Variants in ATG7 observed in about 807,000 individuals in gnomAD.
ATG7 encodes the protein autophagy related 7, also known as ubiquitin-like modifier-activating enzyme ATG7.
A neutral mutation model predicts 82.4 loss-of-function variants in ATG7; 70 were observed. The ratio of observed to expected loss-of-function variants is 0.85; its 90% confidence interval spans 0.70 to 1.04. The LOEUF (loss-of-function observed/expected upper bound fraction) is 1.04, where lower values mean the gene tolerates loss of function less well. Among genes scored for constraint, ATG7 ranks in the 50% least tolerant of loss-of-function variants. ATG7 has a pLI of 0.00. For missense variants in ATG7, 792 were observed against 864.3 expected, an observed-to-expected ratio of 0.92 and a Z score of 1.05; for synonymous variants, 287 against 313.0, an observed-to-expected ratio of 0.92 and a Z score of 0.88.
At chr3:11,573,312 GAAGGAAGA>G in the ATG7 span, among the ~76,000 whole-genome samples, 2 of 9,832 alleles carry the variant, frequency 2.0e-4, no homozygotes, top group Admixed American at 1.0e-3. Flanking sequence ...AGAAAGGAAG[GAAGGAAGA>G]AAGAAAGAAA....
chr3:11,523,259 C>T (rs959609746), intron 20 of ATG7, among the ~76,000 whole-genome samples: 7 of 152,078 alleles, frequency 4.6e-5, no homozygotes, highest in South Asian at 2.1e-4. Context: ...GGCGGGGCAG[C>T]GGGGGAGTGC....
the ATG7 span, among the ~76,000 whole-genome samples, chr3:11,564,023 C>T: frequency 6.6e-6 from 1 of 152,268 alleles, no homozygotes; most frequent in Non-Finnish European, 1.5e-5. Context: ...GGCACCCCCT[C>T]GGGGCACGGC....
intron 20 of ATG7, among the ~76,000 whole-genome samples, chr3:11,467,462 C>T (rs2086947330): frequency 6.6e-6 from 1 of 152,258 alleles, no homozygotes; most frequent in East Asian, 1.9e-4. Flanking sequence ...CTGCAACCTC[C>T]GCCCCCCAGC....
chr3:11,309,153 A>G (rs750296506), intron 7 of ATG7, 92 bp downstream of exon 7: 143 of 1,193,670 alleles, frequency 1.2e-4, no homozygotes, highest in Non-Finnish European at 1.6e-4. Context: ...TTCTCTCCGA[A>G]GCTACTACCT....
rs183253022 is a variant in ATG7, at chr3:11,329,824, C to T, written c.679-1516C>T. Among the ~76,000 whole-genome samples the T allele has an allele frequency of 6.1e-4, 93 of 152,278 alleles. 1 individual carries two copies. Among genetic ancestry groups the T allele is most frequent in the Non-Finnish European group, 2.9e-5 (2 of 68,020 alleles). On this transcript the variant is annotated intron_variant, in intron 9 of 20. Coordinates refer to ENST00000693202, the MANE Select transcript of ATG7 (RefSeq NM_001349232.2). ...TTCTTACATTACTATTAACTCAGCT[C>T]TAGACATTTCCGATTTCACCAGTTT... is the stretch of plus-strand genomic sequence containing the variant.
At chr3:11,330,613 G>A (rs747926526) in intron 9 of ATG7, among the ~76,000 whole-genome samples, 12 of 152,086 alleles carry the variant, frequency 7.9e-5, no homozygotes, top group Admixed American at 2.0e-4. Flanking sequence ...AAGGAGCCCC[G>A]ATTTATTTTC....
intron 5 of ATG7, among the ~76,000 whole-genome samples, chr3:11,303,770 T>A (rs888890845): frequency 6.7e-6 from 1 of 149,762 alleles, no homozygotes; most frequent in African/African-American, 2.5e-5. Flanking sequence ...TATTTGTCTT[T>A]ATTCATAAGA....
At chr3:11,315,250 T>A in intron 8 of ATG7, 94 bp from the exon 9 acceptor site, 1 of 1,179,438 alleles carries the variant, frequency 8.5e-7, no homozygotes, top group Non-Finnish European at 1.1e-6. Flanking sequence ...TTTCTAGTCT[T>A]CTGGTTTTAA....
At chr3:11,376,825 A>G (rs4234506) in intron 18 of ATG7, among the ~76,000 whole-genome samples, 114,947 of 151,954 alleles carry the variant, frequency 0.76, 43,983 homozygotes, top group East Asian at 0.98. Context: ...TGCAAGCTCC[A>G]CCTCCCGGGT....
the ATG7 span, among the ~76,000 whole-genome samples, chr3:11,573,151 G>A: frequency 1.3e-5 from 2 of 150,754 alleles, no homozygotes; most frequent in Non-Finnish European, 2.9e-5. Flanking sequence ...GGGTGACAGG[G>A]CAAGACTCCG....
Position 11,486,840 on chromosome 3 carries a change from T to TTTTA in ATG7, c.2079+59914_2079+59915insTTTA, listed in dbSNP as rs34461730. ...GTTCTGTTTTTTTTTTTTTTTTTTTTAATTTATTTTTTTATTGATAATTCT... is the reference window on the plus strand; with the variant it reads ...GTTCTGTTTTTTTTTTTTTTTTTTTTTTTAAATTTATTTTTTTATTGATAATTCT... On this transcript the variant is annotated intron_variant, in intron 20 of 20. Coordinates refer to ENST00000693202, the MANE Select transcript of ATG7 (RefSeq NM_001349232.2). Among the ~76,000 whole-genome samples the TTTTA allele has an allele frequency of 1.6e-4, 21 of 133,526 alleles. No individual in the cohort carries two copies. The East Asian group carries it at 2.4e-3, about 16-fold the overall frequency. The allele number at this position is 133,526 out of a possible 152,430, so 87.6% of individuals were successfully genotyped here.
chr3:11,493,453 C>T (rs933603769), intron 20 of ATG7, among the ~76,000 whole-genome samples: 14 of 152,196 alleles, frequency 9.2e-5, no homozygotes, highest in Non-Finnish European at 1.9e-4. Context: ...AAGAATGACT[C>T]AGGAGAGAGC....
intron 20 of ATG7, among the ~76,000 whole-genome samples, chr3:11,533,770 T>C (rs1475394264): frequency 3.3e-5 from 5 of 152,156 alleles, no homozygotes; most frequent in Admixed American, 2.6e-4. Flanking sequence ...TAGCACCTCA[T>C]ATTTATCAGC....
intron 19 of ATG7, among the ~76,000 whole-genome samples, chr3:11,408,052 C>T (rs2080519704): frequency 1.3e-5 from 2 of 152,208 alleles, no homozygotes; most frequent in Non-Finnish European, 2.9e-5. Flanking sequence ...AGGCTGCAAA[C>T]TTTCTAAACT....
rs1271330059 is a variant in ATG7, at chr3:11,339,309, A to AAAG, written c.890-1334_890-1333insGAA. 6.9e-3 allele frequency among the ~76,000 whole-genome samples: 908 copies of AAAG among 132,164 alleles called. 9 individuals carry two copies. The highest frequency in any genetic ancestry group is 0.022 in the African/African-American group (817 of 37,580). The allele number at this position is 132,164 out of a possible 152,430, so 86.7% of individuals were successfully genotyped here. A position where few individuals can be genotyped will look rare whatever the true frequency, so the allele number is the denominator to read the frequency against. Reference sequence around the variant, plus strand: ...AGACTCTGTTTCAAAAAAAAAAAAAAAAAAGAAAAGAAAAGAAAACCAGCG... The same window carrying AAAG: ...AGACTCTGTTTCAAAAAAAAAAAAAAAAGAAAAGAAAAGAAAAGAAAACCAGCG... On this transcript the variant is annotated intron_variant, in intron 11 of 20. Transcript: ENST00000693202.
At chr3:11,565,074 G>C in the ATG7 span, 1 of 1,420,438 alleles carries the variant, frequency 7.0e-7, no homozygotes, top group South Asian at 1.6e-5. This position sits in a 1 kb window ranked among gnomAD's most constrained non-coding sequence, Gnocchi z 4.1. Context: ...AAAGGGGACA[G>C]TGACTGTGCG....
the ATG7 span, among the ~76,000 whole-genome samples, chr3:11,575,449 G>C: frequency 6.6e-6 from 1 of 152,204 alleles, no homozygotes; most frequent in African/African-American, 2.4e-5. Flanking sequence ...CATCGTGTGT[G>C]AGTCTGCCCC....
chr3:11,447,687 T>A (rs1205486806), intron 20 of ATG7, among the ~76,000 whole-genome samples: 2 of 152,144 alleles, frequency 1.3e-5, no homozygotes, highest in Admixed American at 1.3e-4. Context: ...CATTCTTACA[T>A]TAAGAAATCT....
Position 11,441,000 on chromosome 3 carries a change from A to G in ATG7, c.2079+14074A>G, listed in dbSNP as rs559668003. Among the ~76,000 whole-genome samples the G allele has an allele frequency of 4.6e-5, 7 of 152,110 alleles. No homozygotes were observed. The East Asian group carries it at 1.4e-3, about 29-fold the overall frequency. ...GCCTGGCCCCCATTTGCTTTTATTC[A>G]GCTATCTGGTGAAAAAAATTCAGTA... On this transcript the variant is annotated intron_variant, in intron 20 of 20. Transcript: ENST00000693202.
Sources: allele counts gnomAD v4.1 joint callset (sites outside exome capture counted in the v4.1 genomes callset), GRCh38; gene constraint gnomAD v4.1.1; non-coding constraint Gnocchi (gnomAD v3.1); transcripts MANE v1.5; gene names NCBI Gene and HGNC (gene_info 2026-07-23, HGNC 2026-07-21).